Variants in CSMD2 observed in about 807,000 individuals in gnomAD.
The protein encoded by CSMD2 is CUB and Sushi multiple domains 2, also known as CUB and sushi domain-containing protein 2.
In CSMD2, 130 loss-of-function variants were observed where a neutral mutation model predicts 398.5. That is an observed-to-expected ratio of 0.33 (90% CI 0.28 to 0.38). The LOEUF is 0.38. Among genes scored for constraint, CSMD2 ranks in the 10% least tolerant of loss-of-function variants. The pLI is 1.00. For missense variants in CSMD2, 3,829 were observed against 4,764.9 expected (o/e 0.80, Z 5.78); for synonymous variants, 1,828 against 1,908.5 (o/e 0.96, Z 1.10).
chr1:33,645,344 TACACACACACACACACACACAC>T (rs4044501), intron 29 of CSMD2, among the ~76,000 whole-genome samples: 66 of 136,370 alleles, frequency 4.8e-4, no homozygotes, highest in South Asian at 3.3e-3. Context: ...TGGAGCATTA[TACACACACACACACACACACAC>T]ACACACACAC....
chr1:33,765,453 C>T (rs962277153), intron 13 of CSMD2, among the ~76,000 whole-genome samples: 21 of 152,194 alleles, frequency 1.4e-4, no homozygotes, highest in African/African-American at 5.1e-4. Context: ...TAAAACAATT[C>T]ATTTCCCTCA....
chr1:34,067,138 A>G (rs1212704648), intron 2 of CSMD2, among the ~76,000 whole-genome samples: 1 of 152,210 alleles, frequency 6.6e-6, no homozygotes, highest in East Asian at 1.9e-4. Flanking sequence ...GCTCCCTCAT[A>G]CATGAGTTAT....
At chr1:34,143,461 T>C (rs1466174262) in intron 1 of CSMD2, among the ~76,000 whole-genome samples, 1 of 152,190 alleles carries the variant, frequency 6.6e-6, no homozygotes, top group Non-Finnish European at 1.5e-5. Context: ...CCCCTCTCCT[T>C]GCCCCGTGTT....
chr1:33,686,747 T>C lies in CSMD2; in HGVS notation c.4052+6183A>G, dbSNP rs145586203. Among the ~76,000 whole-genome samples, 240 of 152,324 alleles carry C rather than the reference T, an allele frequency of 1.6e-3. 1 individual carries two copies. Among genetic ancestry groups the C allele is most frequent in the African/African-American group, 5.4e-3 (224 of 41,572 alleles). On this transcript the variant is annotated intron_variant, in intron 25 of 70. Coordinates refer to ENST00000373381, the MANE Select transcript of CSMD2 (RefSeq NM_001281956.2). ...AGATGCATCTGCAAGCCTTCTCCTGTCTGTGCCCCTGGAAATAGCCTCATC... is the reference window on the plus strand; with the variant it reads ...AGATGCATCTGCAAGCCTTCTCCTGCCTGTGCCCCTGGAAATAGCCTCATC...
At chr1:33,846,327 AG>A (rs1242782291) in intron 6 of CSMD2, among the ~76,000 whole-genome samples, 1 of 152,236 alleles carries the variant, frequency 6.6e-6, no homozygotes. Flanking sequence ...TGAGCATCAA[AG>A]CTATCATGCT....
At chr1:34,053,021 CAAT>C (rs1422802060) in intron 2 of CSMD2, among the ~76,000 whole-genome samples, 2 of 152,174 alleles carry the variant, frequency 1.3e-5, no homozygotes, top group East Asian at 3.9e-4. Context: ...ACAGCTCTCT[CAAT>C]AAGTGGCTTT....
chr1:34,039,194 C>T (rs1047664271), intron 2 of CSMD2, among the ~76,000 whole-genome samples: 1 of 152,160 alleles, frequency 6.6e-6, no homozygotes, highest in African/African-American at 2.4e-5. Context: ...CAGCACCTCC[C>T]ACCCCTGTGG....
At chr1:33,558,094 G>C (rs2148654239) in intron 54 of CSMD2, among the ~76,000 whole-genome samples, 172 bp from the exon 55 acceptor site, 1 of 152,298 alleles carries the variant, frequency 6.6e-6, no homozygotes, top group South Asian at 2.1e-4. Context: ...TCCATGTCCA[G>C]CTAGACATCA....
intron 6 of CSMD2, among the ~76,000 whole-genome samples, chr1:33,829,309 T>C (rs1659194873): frequency 6.6e-6 from 1 of 152,212 alleles, no homozygotes; most frequent in African/African-American, 2.4e-5. Flanking sequence ...GGGTAAGCTC[T>C]AGGCAAGATC....
At chr1:33,964,989 TC>T (rs1645508059) in intron 3 of CSMD2, among the ~76,000 whole-genome samples, 1 of 152,182 alleles carries the variant, frequency 6.6e-6, no homozygotes, top group African/African-American at 2.4e-5. Context: ...TGGAAAGCAC[TC>T]AGGAAACTCA....
rs1654089874 is a variant in CSMD2 at position 33,519,763 on chromosome 1, G to A, written c.10736+49C>T. 1 of 1,612,804 alleles carries A rather than the reference G, an allele frequency of 6.2e-7. No homozygotes were observed. The highest frequency in any genetic ancestry group is 8.5e-7 in the Non-Finnish European group (1 of 1,178,976). ...TCTGGTGCGGGGGGCCCTGGAGGGA[G>A]AGAGGGAGGCCTGCCTGATGCCCGC... On this transcript the variant is annotated intron_variant, in intron 69 of 70. Transcript: ENST00000373381. The surrounding 1 kb of genome is among the most constrained non-coding windows in gnomAD (Gnocchi z 5.6).
intron 55 of CSMD2, among the ~76,000 whole-genome samples, chr1:33,552,879 C>T (rs1657594201): frequency 6.6e-6 from 1 of 152,102 alleles, no homozygotes; most frequent in African/African-American, 2.4e-5. Flanking sequence ...TGCGAATACA[C>T]TAAAATCACT....
chr1:34,065,185 C>T (rs750596290), intron 2 of CSMD2, among the ~76,000 whole-genome samples: 1 of 152,188 alleles, frequency 6.6e-6, no homozygotes, highest in Non-Finnish European at 1.5e-5. Context: ...GGTCTCTTAA[C>T]TCTGAGAGTG....
At chr1:33,584,310 G>A (rs1457957276) in intron 46 of CSMD2, among the ~76,000 whole-genome samples, 1 of 152,160 alleles carries the variant, frequency 6.6e-6, no homozygotes, top group Non-Finnish European at 1.5e-5. Context: ...TCTCCTCTCT[G>A]TGTGATGGCT....
At chr1:33,898,290 A>G (rs1281033915) in intron 5 of CSMD2, among the ~76,000 whole-genome samples, 1 of 152,238 alleles carries the variant, frequency 6.6e-6, no homozygotes, top group Middle Eastern at 3.2e-3. Context: ...AAAGCACTGC[A>G]AATTGAATGA....
intron 5 of CSMD2, among the ~76,000 whole-genome samples, chr1:33,906,411 A>G (rs1208706738): frequency 1.3e-5 from 2 of 152,226 alleles, no homozygotes; most frequent in Non-Finnish European, 2.9e-5. Flanking sequence ...GATGAATTGG[A>G]CAGTGCCAAG....
Position 33,569,505 on chromosome 1 carries a change from C to T in CSMD2, c.8000G>A (p.Arg2667His), listed in dbSNP as rs149425378. 9.3e-4 allele frequency: 1,509 copies of T among 1,614,082 alleles called. 10 individuals carry two copies. Among genetic ancestry groups the T allele is most frequent in the Non-Finnish European group, 3.2e-4 (373 of 1,180,016 alleles). The stretch of plus-strand genomic sequence containing the variant: ...CCCGTAGACAGACAGTGTTCCGATG[C>T]GGTGGCCATTGGGGGGAATCGGGAG... ...GELPIPPNGH[R>H]IGTLSVYGAT... The change falls in exon 52 of 71, where the codon CGC becomes CAC. Residue 2667 changes from arginine to histidine, a missense_variant. Around this residue, in one of 5 missense-constraint regions of CSMD2, gnomAD observed 723 missense variants for 758.6 expected, o/e 0.95. Coordinates refer to ENST00000373381, the MANE Select transcript of CSMD2 (RefSeq NM_001281956.2).
At chr1:33,735,126 G>A (rs528953005) in intron 15 of CSMD2, among the ~76,000 whole-genome samples, 19 of 152,176 alleles carry the variant, frequency 1.2e-4, no homozygotes, top group African/African-American at 4.1e-4. Context: ...TTTCATAGAG[G>A]TGTTGGAAAC....
At chr1:34,009,721 C>G (rs1444657567) in intron 3 of CSMD2, among the ~76,000 whole-genome samples, 1 of 152,110 alleles carries the variant, frequency 6.6e-6, no homozygotes, top group African/African-American at 2.4e-5. Flanking sequence ...TTTCCAAAAA[C>G]TGCTGACTTC....
Sources: allele counts gnomAD v4.1 joint callset (sites outside exome capture counted in the v4.1 genomes callset), GRCh38; gene constraint gnomAD v4.1.1; regional missense constraint gnomAD v4.1.1; non-coding constraint Gnocchi (gnomAD v3.1); transcripts MANE v1.5; gene names NCBI Gene and HGNC (gene_info 2026-07-23, HGNC 2026-07-21).